The following RFX7 variants were observed in gnomAD, a reference collection of about 807,000 sequenced individuals.
RFX7 encodes the protein regulatory factor X7.
RFX7 carries 26 observed loss-of-function variants against 111.8 expected under a neutral mutation model. The observed-to-expected ratio is 0.23, with a 90% CI of 0.17 to 0.32. RFX7 has a LOEUF of 0.32. Ranked by LOEUF, RFX7 falls within the 10% of genes least tolerant of loss-of-function variation. The pLI is 1.00. For synonymous variants in RFX7, 624 were observed against 624.4 expected, an observed-to-expected ratio of 1.00 and a Z score of 0.01; for missense variants, 1,573 against 1,772.9, an observed-to-expected ratio of 0.89 and a Z score of 2.02.
At chr15:56,186,388 T>C (rs890594718) in intron 2 of RFX7, among the ~76,000 whole-genome samples, 1 of 152,222 alleles carries the variant, frequency 6.6e-6, no homozygotes, top group South Asian at 2.1e-4. Flanking sequence ...AATTAGTTCC[T>C]GCTTACGACC....
rs895208681 is a variant in RFX7 at position 56,172,446 on chromosome 15, A to G, written c.195+6824T>C. Among the ~76,000 whole-genome samples, 6 of 152,188 alleles carry G rather than the reference A, an allele frequency of 3.9e-5. No individual in the cohort carries two copies. In the East Asian group the frequency reaches 1.2e-3, roughly 29 times the overall value. On this transcript the variant is annotated intron_variant, in intron 3 of 9. Coordinates refer to ENST00000559447, the MANE Select transcript of RFX7 (RefSeq NM_022841.7). Reference sequence around the variant, plus strand: ...ATAGGCTAGTAAAAAATAAGAAAATAAAGAAGTAGGAGAAAGAGAATGAAT... The same window carrying G: ...ATAGGCTAGTAAAAAATAAGAAAATGAAGAAGTAGGAGAAAGAGAATGAAT...
intron 2 of RFX7, among the ~76,000 whole-genome samples, chr15:56,190,363 G>A (rs1392303565): frequency 6.6e-6 from 1 of 152,150 alleles, no homozygotes; most frequent in Non-Finnish European, 1.5e-5. Flanking sequence ...TTAGGCTGAA[G>A]GAAATATCAC....
At chr15:56,217,756 A>G (rs1189887053) in intron 2 of RFX7, among the ~76,000 whole-genome samples, 2 of 152,218 alleles carry the variant, frequency 1.3e-5, no homozygotes, top group African/African-American at 4.8e-5. Context: ...AGTTTTAATG[A>G]TATGCATAGC....
In RFX7 at chr15:56,140,218, G is replaced by A. The variant is rs533061329; in HGVS notation, c.401+2560C>T. On this transcript the variant is annotated intron_variant, in intron 5 of 9. Transcript: ENST00000559447. ...TGGCGGGCGCCCCTCCCCCAGCCTCGCTGTCGCCTTGCAGTTTGATCTCAG... is the reference window on the plus strand; with the variant it reads ...TGGCGGGCGCCCCTCCCCCAGCCTCACTGTCGCCTTGCAGTTTGATCTCAG... 6.2e-4 allele frequency among the ~76,000 whole-genome samples: 94 copies of A among 152,174 alleles called. 1 individual carries two copies. Among genetic ancestry groups the A allele is most frequent in the African/African-American group, 2.1e-3 (86 of 41,502 alleles).
chr15:56,123,061 T>C (rs755093582), intron 5 of RFX7, among the ~76,000 whole-genome samples: 3 of 152,150 alleles, frequency 2.0e-5, no homozygotes, highest in Non-Finnish European at 4.4e-5. Context: ...CCACTGTGGC[T>C]GGGCTGGCAC....
intron 3 of RFX7, among the ~76,000 whole-genome samples, chr15:56,173,655 A>G (rs1271769537): frequency 6.6e-6 from 1 of 151,800 alleles, no homozygotes; most frequent in African/African-American, 2.4e-5. Context: ...AGTGGCGGAT[A>G]CCTGTAATCC....
At chr15:56,133,879 A>C (rs2042251157) in intron 5 of RFX7, among the ~76,000 whole-genome samples, 1 of 152,144 alleles carries the variant, frequency 6.6e-6, no homozygotes, top group Non-Finnish European at 1.5e-5. Context: ...ATTCTATGGA[A>C]ACACCAACAT....
intron 2 of RFX7, among the ~76,000 whole-genome samples, chr15:56,188,682 G>A (rs2043066924): frequency 1.3e-5 from 2 of 152,146 alleles, no homozygotes; most frequent in South Asian, 4.1e-4. Context: ...AAATCCTGGT[G>A]GAGTAACTAG....
At position 56,243,543 on chromosome 15, in the gene RFX7, C is replaced by T. The variant is rs2043744619; in HGVS notation, c.-101G>A. 1 of 981,922 alleles carries T rather than the reference C, an allele frequency of 1.0e-6. No homozygotes were observed. Among genetic ancestry groups the T allele is most frequent in the South Asian group, 4.7e-5 (1 of 21,192 alleles). 60.8% of individuals were successfully genotyped at this position (981,922 alleles called of 1,614,324 possible). A position where few individuals can be genotyped will look rare whatever the true frequency, so the allele number is the denominator to read the frequency against. On this transcript the variant is annotated 5_prime_UTR_variant, in exon 1 of 10. An upstream start codon of the reference 5' UTR is lost. Transcript: ENST00000559447. Reference sequence around the variant, plus strand: ...CCGGGGCGCTTCACCGCGGGAGAGGCATGGCGGCGCCCCTCAGCCCCCCGC... The same window carrying T: ...CCGGGGCGCTTCACCGCGGGAGAGGTATGGCGGCGCCCCTCAGCCCCCCGC...
intron 2 of RFX7, among the ~76,000 whole-genome samples, chr15:56,190,518 A>C (rs2043089394): frequency 6.6e-6 from 1 of 152,234 alleles, no homozygotes. Flanking sequence ...TTACAGTTCA[A>C]CTTCACCTCT....
At chr15:56,134,067 A>G (rs570305663) in intron 5 of RFX7, among the ~76,000 whole-genome samples, 8 of 152,122 alleles carry the variant, frequency 5.3e-5, no homozygotes, top group African/African-American at 1.7e-4. Context: ...TACTTGTCCA[A>G]TGTTTTCTAC....
chr15:56,118,774 A>G (rs1050045411), intron 5 of RFX7, among the ~76,000 whole-genome samples: 1 of 152,204 alleles, frequency 6.6e-6, no homozygotes, highest in Non-Finnish European at 1.5e-5. Flanking sequence ...CTTCCTAACT[A>G]TTCTCTACAG....
chr15:56,103,063 G>T (rs2041778675), intron 6 of RFX7, among the ~76,000 whole-genome samples: 1 of 151,334 alleles, frequency 6.6e-6, no homozygotes, highest in Admixed American at 6.6e-5. Flanking sequence ...TTTAATATGG[G>T]CTTTAAATGG....
chr15:56,125,735 T>C (rs1351177783), intron 5 of RFX7, among the ~76,000 whole-genome samples: 3 of 152,128 alleles, frequency 2.0e-5, no homozygotes, highest in African/African-American at 7.2e-5. Flanking sequence ...AAGCATGATA[T>C]TTTTCCATTT....
intron 3 of RFX7, among the ~76,000 whole-genome samples, chr15:56,154,445 G>A (rs1460680263): frequency 6.6e-6 from 1 of 152,118 alleles, no homozygotes; most frequent in Admixed American, 6.6e-5. Flanking sequence ...ACAGACCAAT[G>A]GAACAGAACA....
At chr15:56,202,819 G>GA (rs1285542849) in intron 2 of RFX7, among the ~76,000 whole-genome samples, 1 of 151,996 alleles carries the variant, frequency 6.6e-6, no homozygotes, top group Non-Finnish European at 1.5e-5. Flanking sequence ...CTCTAAAAAA[G>GA]AAAAAGAAAG....
intron 5 of RFX7, among the ~76,000 whole-genome samples, chr15:56,114,595 CT>C (rs2041983807): frequency 6.6e-6 from 1 of 152,006 alleles, no homozygotes; most frequent in Non-Finnish European, 1.5e-5. Flanking sequence ...AATATATCAC[CT>C]TTGAAACTCA....
chr15:56,222,228 C>T (rs1468799207), intron 2 of RFX7, among the ~76,000 whole-genome samples: 1 of 152,156 alleles, frequency 6.6e-6, no homozygotes, highest in Non-Finnish European at 1.5e-5. Context: ...AGTTGGTCTT[C>T]GTTGCTGTTG....
chr15:56,184,832 C>T (rs187152663), intron 2 of RFX7, among the ~76,000 whole-genome samples: 1 of 152,216 alleles, frequency 6.6e-6, no homozygotes, highest in African/African-American at 2.4e-5. Flanking sequence ...TCTGTTTGTC[C>T]AACATCCCCA....
Sources: allele counts gnomAD v4.1 joint callset (sites outside exome capture counted in the v4.1 genomes callset), GRCh38; gene constraint gnomAD v4.1.1; transcripts MANE v1.5; gene names NCBI Gene and HGNC (gene_info 2026-07-23, HGNC 2026-07-21).